Variants in CFAP251 observed in about 807,000 individuals in gnomAD.
CFAP251 encodes cilia- and flagella-associated protein 251.
Under a neutral mutation model 126.7 loss-of-function variants are expected in CFAP251, and 93 were observed. The ratio of observed to expected loss-of-function variants is 0.73; its 90% CI spans 0.62 to 0.87. The LOEUF is 0.87. CFAP251 is among the 40% of genes least tolerant of loss of function. The pLI, the probability that CFAP251 is intolerant of heterozygous loss-of-function variation, is 0.00. For synonymous variants in CFAP251, 503 were observed against 506.9 expected (o/e 0.99, Z 0.10); for missense variants, 1,287 against 1,389.2 (o/e 0.93, Z 1.17).
At chr12:121,993,863 C>G (rs1209765513) in intron 19 of CFAP251, among the ~76,000 whole-genome samples, 1 of 120,108 alleles carries the variant, frequency 8.3e-6, no homozygotes, top group Non-Finnish European at 1.8e-5. Flanking sequence ...TCAGCCCCCC[C>G]GCCCGGCCAG....
intron 5 of CFAP251, among the ~76,000 whole-genome samples, chr12:121,935,235 G>A (rs1880844956): frequency 6.6e-6 from 1 of 152,180 alleles, no homozygotes; most frequent in African/African-American, 2.4e-5. Flanking sequence ...GGGATTACAG[G>A]CATGAGCCAC....
intron 2 of CFAP251, among the ~76,000 whole-genome samples, 157 bp from the exon 3 acceptor site, chr12:121,923,465 T>C (rs953507752): frequency 5.9e-5 from 9 of 152,344 alleles, no homozygotes; most frequent in Non-Finnish European, 1.3e-4. Flanking sequence ...CATCTTGTTT[T>C]GTTTTTTAAG....
At chr12:121,932,095 T>C in intron 4 of CFAP251, 1 of 389,050 alleles carries the variant, frequency 2.6e-6, no homozygotes, top group Non-Finnish European at 4.4e-6. Context: ...AAACAGCAGT[T>C]GATATTAATT....
At position 121,984,497 on chromosome 12, in the gene CFAP251, G is replaced by A. The variant is rs544851057; in HGVS notation, c.3006+8812G>A. Among the ~76,000 whole-genome samples the A allele has an allele frequency of 7.9e-5, 12 of 152,146 alleles. No individual in the cohort carries two copies. The South Asian group carries it at 2.1e-3, about 26-fold the overall frequency. Reference sequence around the variant, plus strand: ...AATTTTTTGTATTTTCAGTAGAAACGGGGTTTCACGGTGTTAGCCAGGAAG... The same window carrying A: ...AATTTTTTGTATTTTCAGTAGAAACAGGGTTTCACGGTGTTAGCCAGGAAG... On this transcript the variant is annotated intron_variant, in intron 19 of 21. Transcript: ENST00000288912.
chr12:121,938,865 C>T (rs1880994709), intron 5 of CFAP251, among the ~76,000 whole-genome samples: 1 of 151,680 alleles, frequency 6.6e-6, no homozygotes. Flanking sequence ...TGGTGCACTC[C>T]TGTAATCCCA....
chr12:122,001,655 C>T, intron 21 of CFAP251, 57 bp downstream of exon 21: 1 of 1,336,086 alleles, frequency 7.5e-7, no homozygotes, highest in Non-Finnish European at 1.1e-6. Flanking sequence ...TTGTTGTAGA[C>T]TTCAGTACAT....
intron 20 of CFAP251, among the ~76,000 whole-genome samples, chr12:122,000,425 G>A (rs1475796220): frequency 2.6e-5 from 4 of 151,856 alleles, no homozygotes; most frequent in African/African-American, 7.3e-5. Context: ...GGTGGCACAC[G>A]CCTGTAATCC....
At chr12:121,956,386 A>G (rs961711172) in intron 10 of CFAP251, among the ~76,000 whole-genome samples, 1 of 152,224 alleles carries the variant, frequency 6.6e-6, no homozygotes, top group Admixed American at 6.5e-5. Context: ...TGCTTTAGAT[A>G]TACCTGGGTT....
At chr12:121,961,039 T>C (rs1881915293) in intron 14 of CFAP251, among the ~76,000 whole-genome samples, 1 of 152,146 alleles carries the variant, frequency 6.6e-6, no homozygotes, top group Admixed American at 6.5e-5. Context: ...CAGCCGCCCT[T>C]GCCTCCCAGT....
At chr12:121,956,684 C>T (rs1202214737) in intron 10 of CFAP251, among the ~76,000 whole-genome samples, 5 of 152,044 alleles carry the variant, frequency 3.3e-5, no homozygotes, top group Admixed American at 2.0e-4. Flanking sequence ...TTAGTAGAGG[C>T]GGGGTTTCAC....
chr12:121,991,949 C>T (rs146089907), intron 19 of CFAP251, among the ~76,000 whole-genome samples: 178 of 152,116 alleles, frequency 1.2e-3, no homozygotes, highest in African/African-American at 3.9e-3. Flanking sequence ...TCCGAGATCA[C>T]GCCACTGGAC....
intron 19 of CFAP251, chr12:121,997,419 AAAG>A (rs1883044968): frequency 6.6e-6 from 1 of 151,500 alleles, no homozygotes; most frequent in South Asian, 2.1e-4. Flanking sequence ...AAAAAAAAAA[AAAG>A]GCATGCATGA....
intron 19 of CFAP251, chr12:121,998,483 ATATAT>A (rs1278578488): frequency 1.1e-4 from 8 of 71,368 alleles, no homozygotes; most frequent in African/African-American, 4.2e-4. Flanking sequence ...ATATATATAT[ATATAT>A]GATTGTGTTA....
intron 19 of CFAP251, among the ~76,000 whole-genome samples, chr12:121,995,688 G>A (rs1181601955): frequency 6.6e-6 from 1 of 151,986 alleles, no homozygotes. Flanking sequence ...GTCTCATTAT[G>A]TTGCCCAGGC....
In CFAP251 at chr12:121,931,773, A is replaced by G. The variant is rs1437299049; in HGVS notation, c.775A>G (p.Ser259Gly). Residue 259 changes from serine to glycine, a missense_variant, in exon 4 of 22, where the codon AGT becomes GGT. Physicochemically the swap from Ser to Gly is moderately conservative, Grantham distance 56. Coordinates refer to ENST00000288912, the MANE Select transcript of CFAP251 (RefSeq NM_144668.6). ...CATGACCTGGTCGTTTGGATGGAAC[A>G]GTTCTCTTCCTGTTTACTATATTCG... is the stretch of plus-strand genomic sequence containing the variant. The part of the protein sequence containing the change: ...LTMTWSFGWN[S>G]SLPVYYIREE... 3.8e-6 allele frequency: 6 copies of G among 1,596,608 alleles called. No individual in the cohort carries two copies. Among genetic ancestry groups the G allele is most frequent in the Non-Finnish European group, 5.1e-6 (6 of 1,172,764 alleles).
Position 121,969,228 on chromosome 12 carries a change from A to G in CFAP251, c.2771+1059A>G, listed in dbSNP as rs531330917. 963 of 985,404 alleles carry G rather than the reference A, an allele frequency of 9.8e-4. 1 individual carries two copies. The highest frequency in any genetic ancestry group is 1.1e-3 in the Non-Finnish European group (897 of 829,924). The allele number at this position is 985,404 out of a possible 1,614,324, so 61.0% of individuals were successfully genotyped here. On this transcript the variant is annotated intron_variant, in intron 17 of 21. Coordinates refer to ENST00000288912, the MANE Select transcript of CFAP251 (RefSeq NM_144668.6). ...ATTGAAGCTTCTACTCTTAACCTGA[A>G]TATGAGCAAAAATAGCCGGTTAAAT...
At chr12:122,001,394 G>C in intron 20 of CFAP251, 103 bp from the exon 21 acceptor site, 1 of 1,096,168 alleles carries the variant, frequency 9.1e-7, no homozygotes, top group African/African-American at 1.6e-5. Flanking sequence ...AAAAAAAATA[G>C]TGGGATAATT....
Position 121,951,510 on chromosome 12 carries a change from G to GC in CFAP251, c.1304dup (p.Leu436ThrfsTer4). 5 of 1,583,234 alleles carry GC rather than the reference G, an allele frequency of 3.2e-6. No individual in the cohort carries two copies. Among genetic ancestry groups the GC allele is most frequent in the Non-Finnish European group, 4.3e-6 (5 of 1,156,632 alleles). On this transcript the variant is annotated frameshift_variant, in exon 9 of 22. Transcript: ENST00000288912. LOFTEE classifies it high-confidence loss of function. ...AGAGAGGGATACACTGGCTCACAGT[G>GC]CCCCACTTTTAACTGAAAAAGTGAG...
intron 5 of CFAP251, among the ~76,000 whole-genome samples, chr12:121,938,645 T>TA (rs1244786628): frequency 6.0e-5 from 9 of 149,200 alleles, no homozygotes; most frequent in Non-Finnish European, 1.2e-4. Context: ...GTTTAATTTG[T>TA]AAAAAAATGA....
Sources: gnomAD v4.1 joint callset for allele counts (sites outside exome capture counted in the v4.1 genomes callset) on GRCh38, gnomAD v4.1.1 for gene constraint, MANE v1.5 for transcripts, NCBI Gene and HGNC (gene_info 2026-07-23, HGNC 2026-07-21) for gene names.